The following RBFOX1 variants were observed in gnomAD, a reference collection of about 807,000 sequenced individuals.
The protein encoded by RBFOX1 is RNA binding fox-1 homolog 1.
A neutral mutation model predicts 57.7 loss-of-function variants in RBFOX1; 8 were observed. That is an observed-to-expected ratio of 0.14 (90% CI 0.08 to 0.25). The LOEUF is 0.25. Among genes scored for constraint, RBFOX1 ranks in the 10% least tolerant of loss-of-function variants. RBFOX1 has a pLI of 1.00. For synonymous variants in RBFOX1, 326 were observed against 222.4 expected (o/e 1.47, Z -4.15); for missense variants, 611 against 548.5 (o/e 1.11, Z -1.14).
intron 2 of RBFOX1, among the ~76,000 whole-genome samples, chr16:6,517,640 C>T (rs79604651): frequency 0.019 from 2,898 of 152,208 alleles, 95 homozygotes; most frequent in African/African-American, 0.066. Context: ...TCAAACCCCT[C>T]GAGATAGTAC....
intron 2 of RBFOX1, among the ~76,000 whole-genome samples, chr16:6,558,413 T>C (rs992824530): frequency 2.0e-5 from 3 of 152,160 alleles, no homozygotes; most frequent in African/African-American, 7.2e-5. Context: ...TCCTGAACTG[T>C]GCATTTTTTA....
intron 4 of RBFOX1, among the ~76,000 whole-genome samples, chr16:7,143,140 A>G (rs2074203537): frequency 6.6e-6 from 1 of 152,206 alleles, no homozygotes. Context: ...TGGGGAAAGC[A>G]AAAAGCCGTA....
chr16:5,451,112 A>C (rs2068414426), intron 1 of RBFOX1, among the ~76,000 whole-genome samples: 1 of 152,190 alleles, frequency 6.6e-6, no homozygotes, highest in Non-Finnish European at 1.5e-5. Flanking sequence ...TCCCTGAACC[A>C]CAGCCTCCTG....
chr16:6,580,723 C>A (rs865988463), intron 2 of RBFOX1, among the ~76,000 whole-genome samples: 18 of 152,200 alleles, frequency 1.2e-4, no homozygotes, highest in Middle Eastern at 3.4e-3. Flanking sequence ...AGAGATGAGA[C>A]CAGCTGAGGC....
At chr16:5,734,714 T>C (rs934509511) in intron 3 of RBFOX1, among the ~76,000 whole-genome samples, 5 of 152,182 alleles carry the variant, frequency 3.3e-5, no homozygotes, top group African/African-American at 1.2e-4. Flanking sequence ...CAGATGACTT[T>C]ACATGCTGGC....
chr16:7,172,124 A>G (rs1331393620), intron 4 of RBFOX1, among the ~76,000 whole-genome samples: 3 of 152,208 alleles, frequency 2.0e-5, no homozygotes, highest in East Asian at 3.9e-4. Context: ...TCCCAATTAG[A>G]TAAGTTATAA....
At chr16:6,617,146 G>C (rs1387568134) in intron 2 of RBFOX1, among the ~76,000 whole-genome samples, 1 of 151,918 alleles carries the variant, frequency 6.6e-6, no homozygotes, top group African/African-American at 2.4e-5. Context: ...TACAAGGAGA[G>C]GTCCTCCATC....
chr16:5,262,211 G>A (rs1457676052), intron 1 of RBFOX1, among the ~76,000 whole-genome samples: 1 of 152,224 alleles, frequency 6.6e-6, no homozygotes, highest in East Asian at 1.9e-4. Flanking sequence ...GGAGAGAGTA[G>A]AAGCAAGACA....
At chr16:7,003,714 C>G (rs1241488657) in intron 3 of RBFOX1, among the ~76,000 whole-genome samples, 1 of 151,992 alleles carries the variant, frequency 6.6e-6, no homozygotes, top group Non-Finnish European at 1.5e-5. Flanking sequence ...TAAACACAAA[C>G]AATGTAATTA....
At chr16:5,634,897 G>A (rs1056347774) in intron 3 of RBFOX1, among the ~76,000 whole-genome samples, 14 of 152,140 alleles carry the variant, frequency 9.2e-5, no homozygotes, top group African/African-American at 3.4e-4. Flanking sequence ...GTGTTTATAT[G>A]TCTATTCCAG....
chr16:5,798,959 G>A (rs756446951), intron 3 of RBFOX1, among the ~76,000 whole-genome samples: 1 of 152,086 alleles, frequency 6.6e-6, no homozygotes, highest in Non-Finnish European at 1.5e-5. Context: ...TCTCGGGTGA[G>A]CCACTCTGAA....
At chr16:7,462,304 G>T (rs2059726423) in intron 4 of RBFOX1, among the ~76,000 whole-genome samples, 1 of 152,180 alleles carries the variant, frequency 6.6e-6, no homozygotes, top group Non-Finnish European at 1.5e-5. Context: ...AAACTAGCCT[G>T]GCCAATATGG....
rs1243048042 is a variant in RBFOX1 at position 7,403,604 on chromosome 16, T to C, written c.28-114543T>C. ...TTTTTTTGCCCAGTCTGGAGTGCAA[T>C]GGCACAATCTCAGGTCAGGGCAACC... On this transcript the variant is annotated intron_variant, in intron 4 of 15. Transcript: ENST00000550418. 3.8e-5 allele frequency among the ~76,000 whole-genome samples: 5 copies of C among 130,470 alleles called. No homozygotes were observed. The East Asian group carries it at 1.4e-3, about 37-fold the overall frequency. 85.6% of individuals were successfully genotyped at this position (130,470 alleles called of 152,430 possible).
intron 4 of RBFOX1, among the ~76,000 whole-genome samples, chr16:7,057,044 T>C (rs529740961): frequency 4.4e-4 from 59 of 133,148 alleles, no homozygotes; most frequent in Admixed American, 3.6e-3. Context: ...AAAAAAAAAA[T>C]GCAGGCCTGA....
chr16:6,579,811 C>A (rs1469974616), intron 2 of RBFOX1, among the ~76,000 whole-genome samples: 3 of 152,006 alleles, frequency 2.0e-5, no homozygotes, highest in African/African-American at 7.2e-5. Context: ...GTCTCAAACT[C>A]CTGGTCTCAA....
intron 4 of RBFOX1, among the ~76,000 whole-genome samples, chr16:7,426,943 G>A (rs898948037): frequency 6.6e-6 from 1 of 152,198 alleles, no homozygotes; most frequent in Admixed American, 6.5e-5. Flanking sequence ...CATAAAAAAG[G>A]ATGAGTTCAT....
intron 1 of RBFOX1, among the ~76,000 whole-genome samples, chr16:6,053,207 G>C (rs2095574572): frequency 6.6e-6 from 1 of 152,176 alleles, no homozygotes; most frequent in Non-Finnish European, 1.5e-5. Context: ...GAGGGCTCCT[G>C]ATGTAACTCC....
intron 3 of RBFOX1, among the ~76,000 whole-genome samples, chr16:7,036,856 C>G (rs1408051581): frequency 6.6e-6 from 1 of 152,178 alleles, no homozygotes; most frequent in Non-Finnish European, 1.5e-5. Context: ...AGAGGAGCCC[C>G]TCATCAGAGT....
At chr16:5,911,995 G>T (rs1002229395) in intron 4 of RBFOX1, among the ~76,000 whole-genome samples, 1 of 152,130 alleles carries the variant, frequency 6.6e-6, no homozygotes, top group Non-Finnish European at 1.5e-5. Context: ...TTGGAGACAG[G>T]AAGACCAAAG....
Sources: allele counts gnomAD v4.1 joint callset (sites outside exome capture counted in the v4.1 genomes callset), GRCh38; gene constraint gnomAD v4.1.1; transcripts MANE v1.5; gene names NCBI Gene and HGNC (gene_info 2026-07-23, HGNC 2026-07-21).